Variants in SND1 observed in about 807,000 individuals in gnomAD.
The protein encoded by SND1 is staphylococcal nuclease domain-containing protein 1.
In SND1, 38 loss-of-function variants were observed where a neutral mutation model predicts 121.7. That is an observed-to-expected ratio of 0.31 (90% CI 0.24 to 0.41). The LOEUF (loss-of-function observed/expected upper bound fraction) is 0.41, where lower values mean the gene tolerates loss of function less well. Among genes scored for constraint, SND1 ranks in the 10% least tolerant of loss-of-function variants. SND1 has a pLI of 1.00. For missense variants in SND1, 868 were observed against 1,184.6 expected, an observed-to-expected ratio of 0.73 and a Z score of 3.92; for synonymous variants, 401 against 447.4, an observed-to-expected ratio of 0.90 and a Z score of 1.31.
chr7:127,872,295 C>G (rs1218975161), intron 12 of SND1, among the ~76,000 whole-genome samples: 1 of 152,198 alleles, frequency 6.6e-6, no homozygotes, highest in Non-Finnish European at 1.5e-5. Context: ...ATCCTCTGCT[C>G]TGTGTTCCTG....
At chr7:127,848,857 A>T (rs1025714014) in intron 12 of SND1, among the ~76,000 whole-genome samples, 1 of 151,954 alleles carries the variant, frequency 6.6e-6, no homozygotes, top group Non-Finnish European at 1.5e-5. Context: ...TTTCCTCTCG[A>T]TGTATGGGAA....
intron 14 of SND1, among the ~76,000 whole-genome samples, chr7:127,916,956 GT>G (rs1306167103): frequency 6.6e-6 from 1 of 152,200 alleles, no homozygotes; most frequent in Non-Finnish European, 1.5e-5. Context: ...CGTCTATGTA[GT>G]TTTGAATGAG....
intron 15 of SND1, among the ~76,000 whole-genome samples, chr7:127,952,833 G>GC (rs1362888823): frequency 1.3e-5 from 2 of 152,036 alleles, no homozygotes; most frequent in Non-Finnish European, 2.9e-5. Context: ...TTTTCATAGT[G>GC]TGGGTGACTG....
intron 15 of SND1, among the ~76,000 whole-genome samples, chr7:127,982,352 G>A (rs145041642): frequency 6.6e-6 from 1 of 152,224 alleles, no homozygotes; most frequent in Non-Finnish European, 1.5e-5. Context: ...TAAAAAATTG[G>A]AGCTGTGACT....
chr7:127,953,739 G>A (rs1462736794), intron 15 of SND1, among the ~76,000 whole-genome samples: 1 of 152,192 alleles, frequency 6.6e-6, no homozygotes, highest in African/African-American at 2.4e-5. Flanking sequence ...ACTTGGATTT[G>A]AAGGTATTGG....
intron 1 of SND1, among the ~76,000 whole-genome samples, chr7:127,684,899 T>C: frequency 6.6e-6 from 1 of 151,762 alleles, no homozygotes; most frequent in South Asian, 2.1e-4. Flanking sequence ...TTAAATATTG[T>C]ATATTGGAAT....
At chr7:127,714,838 A>T (rs1454296005) in intron 9 of SND1, among the ~76,000 whole-genome samples, 1 of 152,176 alleles carries the variant, frequency 6.6e-6, no homozygotes, top group Non-Finnish European at 1.5e-5. Context: ...TTCCTTTTTA[A>T]GGGTAAATAA....
chr7:127,745,738 CT>C (rs1037964156), intron 10 of SND1, among the ~76,000 whole-genome samples: 1 of 152,138 alleles, frequency 6.6e-6, no homozygotes, highest in Admixed American at 6.5e-5. Flanking sequence ...ATTTTATTTT[CT>C]TTTCATCACT....
At chr7:127,900,324 G>A (rs13246286) in intron 13 of SND1, among the ~76,000 whole-genome samples, 33,704 of 152,130 alleles carry the variant, frequency 0.22, 4,218 homozygotes, top group Middle Eastern at 0.32. Context: ...ATCTACTGTC[G>A]TTGAATTGGC....
At chr7:127,981,456 C>G (rs893136178) in intron 15 of SND1, among the ~76,000 whole-genome samples, 1 of 152,088 alleles carries the variant, frequency 6.6e-6, no homozygotes, top group African/African-American at 2.4e-5. Context: ...CAGAGACAGC[C>G]TGGTGAGGTG....
intron 13 of SND1, among the ~76,000 whole-genome samples, chr7:127,902,912 GTC>G (rs1215091254): frequency 1.3e-5 from 2 of 149,868 alleles, no homozygotes; most frequent in African/African-American, 4.9e-5. Flanking sequence ...TTGAGATGGA[GTC>G]TCTCTCGCCC....
chr7:127,671,306 T>G (rs1256972206), intron 1 of SND1, among the ~76,000 whole-genome samples: 2 of 152,122 alleles, frequency 1.3e-5, no homozygotes, highest in African/African-American at 4.8e-5. Flanking sequence ...TTACCAAGAG[T>G]CCCTAACTGC....
intron 16 of SND1, chr7:128,028,944 A>G: frequency 6.2e-7 from 1 of 1,609,240 alleles, no homozygotes; most frequent in Non-Finnish European, 8.5e-7. Flanking sequence ...GATTATCTCA[A>G]CAGTCCGGGC....
intron 10 of SND1, among the ~76,000 whole-genome samples, chr7:127,757,434 T>A (rs1045953056): frequency 6.6e-6 from 1 of 152,238 alleles, no homozygotes; most frequent in Non-Finnish European, 1.5e-5. Flanking sequence ...TTTGTGTATA[T>A]CTAGGAATTA....
chr7:128,001,270 ATTCTTAGTCTC>A (rs1802819829), intron 16 of SND1, among the ~76,000 whole-genome samples: 2 of 152,254 alleles, frequency 1.3e-5, no homozygotes, highest in Admixed American at 1.3e-4. Context: ...GGAATAGCTC[ATTCTTAGTCTC>A]TTCTTTAGGA....
intron 13 of SND1, among the ~76,000 whole-genome samples, chr7:127,902,266 C>G (rs1041030787): frequency 6.6e-6 from 1 of 152,176 alleles, no homozygotes; most frequent in Non-Finnish European, 1.5e-5. Flanking sequence ...CAGAACAGAT[C>G]TATTTATTTT....
At chr7:127,705,888 C>A (rs997838960) in intron 8 of SND1, among the ~76,000 whole-genome samples, 1 of 152,266 alleles carries the variant, frequency 6.6e-6, no homozygotes, top group South Asian at 2.1e-4. Flanking sequence ...AGATGTGCAA[C>A]GACGTGAATG....
chr7:127,929,847 C>T (rs1006626862), intron 15 of SND1, among the ~76,000 whole-genome samples: 1 of 152,158 alleles, frequency 6.6e-6, no homozygotes, highest in Non-Finnish European at 1.5e-5. Context: ...CTTCCCACAT[C>T]GATAGTATTT....
intron 13 of SND1, among the ~76,000 whole-genome samples, chr7:127,898,176 G>A (rs1226878926): frequency 2.0e-5 from 3 of 152,036 alleles, no homozygotes; most frequent in Non-Finnish European, 4.4e-5. Flanking sequence ...CAGCACAATA[G>A]CATGTATCTT....
Sources: allele counts gnomAD v4.1 joint callset (sites outside exome capture counted in the v4.1 genomes callset), GRCh38; gene constraint gnomAD v4.1.1; transcripts MANE v1.5; gene names NCBI Gene and HGNC (gene_info 2026-07-23, HGNC 2026-07-21).